JARID2: variants seen among roughly 807,000 people sequenced by gnomAD.
The protein encoded by JARID2 is jumonji and AT-rich interaction domain containing 2, also known as protein Jumonji.
Under a neutral mutation model 125.6 loss-of-function variants are expected in JARID2, and 21 were observed. The ratio of observed to expected loss-of-function variants is 0.17; its 90% CI spans 0.12 to 0.24. The LOEUF is 0.24. Among genes scored for constraint, JARID2 ranks in the 10% least tolerant of loss-of-function variants. JARID2 has a pLI of 1.00. For missense variants in JARID2, 1,303 were observed against 1,639.6 expected, an observed-to-expected ratio of 0.79 and a Z score of 3.55; for synonymous variants, 736 against 661.6, an observed-to-expected ratio of 1.11 and a Z score of -1.73.
intron 4 of JARID2, among the ~76,000 whole-genome samples, chr6:15,465,257 A>T (rs145899497): frequency 6.6e-6 from 1 of 152,172 alleles, no homozygotes; most frequent in African/African-American, 2.4e-5. Context: ...GTTTGAGACA[A>T]GCCTCGGCAA....
chr6:15,352,858 G>A (rs1265085153), intron 1 of JARID2, among the ~76,000 whole-genome samples: 1 of 152,186 alleles, frequency 6.6e-6, no homozygotes, highest in Non-Finnish European at 1.5e-5. Flanking sequence ...TATTACAGCT[G>A]CAAAGGGCTA....
At chr6:15,392,183 C>T (rs1426065413) in intron 2 of JARID2, among the ~76,000 whole-genome samples, 1 of 152,048 alleles carries the variant, frequency 6.6e-6, no homozygotes, top group East Asian at 1.9e-4. Context: ...ACTGTCAAGC[C>T]ACGTTAAGGT....
At chr6:15,385,480 TATAGATTTTTTA>T (rs917721061) in intron 2 of JARID2, among the ~76,000 whole-genome samples, 16 of 151,312 alleles carry the variant, frequency 1.1e-4, no homozygotes, top group Admixed American at 2.6e-4. Flanking sequence ...TATTTATTTA[TATAGATTTTTTA>T]ATAGATTTTT....
chr6:15,457,458 T>C (rs927680563), intron 4 of JARID2, among the ~76,000 whole-genome samples: 1 of 152,186 alleles, frequency 6.6e-6, no homozygotes, highest in South Asian at 2.1e-4. Flanking sequence ...CCATCACCCT[T>C]GGGTGACAGC....
chr6:15,512,465 C>G, intron 14 of JARID2, 75 bp downstream of exon 14: 5 of 1,348,074 alleles, frequency 3.7e-6, no homozygotes, highest in Non-Finnish European at 5.3e-6. Flanking sequence ...CACACAGAAG[C>G]ATCCCTGCGT....
intron 3 of JARID2, among the ~76,000 whole-genome samples, chr6:15,422,985 CT>C (rs375223254): frequency 0.11 from 13,979 of 125,808 alleles, 739 homozygotes; most frequent in African/African-American, 0.17. Flanking sequence ...GTAGCCTAGT[CT>C]TTTTTTTTTT....
intron 1 of JARID2, among the ~76,000 whole-genome samples, chr6:15,295,399 A>G (rs770385416): frequency 6.6e-6 from 1 of 152,024 alleles, no homozygotes; most frequent in Non-Finnish European, 1.5e-5. Context: ...GGGATTACAG[A>G]CGTGAGCCAC....
intron 1 of JARID2, among the ~76,000 whole-genome samples, chr6:15,281,377 T>C (rs1277870554): frequency 6.6e-6 from 1 of 152,236 alleles, no homozygotes; most frequent in African/African-American, 2.4e-5. Flanking sequence ...GTGAATACAT[T>C]GTGGTATGTG....
intron 16 of JARID2, among the ~76,000 whole-genome samples, chr6:15,515,784 G>T (rs1315606695): frequency 6.6e-6 from 1 of 151,300 alleles, no homozygotes; most frequent in East Asian, 1.9e-4. Flanking sequence ...AACCAGGCAC[G>T]GTGGCTTATG....
At chr6:15,503,133 G>A (rs1462314689) in intron 8 of JARID2, among the ~76,000 whole-genome samples, 6 of 152,198 alleles carry the variant, frequency 3.9e-5, no homozygotes, top group African/African-American at 1.2e-4. Flanking sequence ...TGGTGGCCAT[G>A]GCGAAGCCCC....
At chr6:15,425,530 A>G (rs1766688167) in intron 3 of JARID2, among the ~76,000 whole-genome samples, 1 of 152,126 alleles carries the variant, frequency 6.6e-6, no homozygotes, top group Admixed American at 6.5e-5. Flanking sequence ...TGAGTGGATT[A>G]ATACCTTTAT....
chr6:15,508,985 T>G, intron 12 of JARID2: 1 of 1,289,398 alleles, frequency 7.8e-7, no homozygotes, highest in Non-Finnish European at 1.0e-6. Context: ...AGCCAGTGTT[T>G]CCTCATCTAT....
intron 3 of JARID2, among the ~76,000 whole-genome samples, chr6:15,416,675 G>A (rs922991613): frequency 1.5e-4 from 21 of 141,954 alleles, no homozygotes; most frequent in Non-Finnish European, 3.0e-4. Flanking sequence ...GTGGGAGACC[G>A]TGGAAAGAGA....
chr6:15,391,379 C>T (rs527798525), intron 2 of JARID2, among the ~76,000 whole-genome samples: 1 of 152,102 alleles, frequency 6.6e-6, no homozygotes, highest in Non-Finnish European at 1.5e-5. Context: ...CTCTGAGGAG[C>T]CCTAGCAGAG....
At chr6:15,382,068 G>A (rs1336451208) in intron 2 of JARID2, among the ~76,000 whole-genome samples, 2 of 152,200 alleles carry the variant, frequency 1.3e-5, no homozygotes, top group Non-Finnish European at 2.9e-5. Flanking sequence ...CGGATCATGA[G>A]CCTGGCCAAC....
intron 1 of JARID2, among the ~76,000 whole-genome samples, chr6:15,324,180 A>G (rs930701344): frequency 1.3e-5 from 2 of 151,626 alleles, no homozygotes; most frequent in African/African-American, 4.9e-5. Flanking sequence ...CTCTGTCTCA[A>G]AAGAAAAAAA....
In JARID2 at chr6:15,278,472, G is replaced by C. The variant is rs185133082; in HGVS notation, c.45+31888G>C. ...GTGATGGCTCATGCCTGTAATCCCAGCTACTCGGGAAGCTGAGGCAGGAGA... is the reference window on the plus strand; with the variant it reads ...GTGATGGCTCATGCCTGTAATCCCACCTACTCGGGAAGCTGAGGCAGGAGA... On this transcript the variant is annotated intron_variant, in intron 1 of 17. Transcript: ENST00000341776. Among the ~76,000 whole-genome samples the C allele has an allele frequency of 3.7e-4, 56 of 151,964 alleles. 2 individuals are homozygous for C. The East Asian group carries it at 7.8e-3, about 21-fold the overall frequency.
At chr6:15,504,739 C>T in intron 9 of JARID2, 147 bp downstream of exon 9, 1 of 609,786 alleles carries the variant, frequency 1.6e-6, no homozygotes, top group Non-Finnish European at 2.9e-6. Flanking sequence ...GTTGAGCGTG[C>T]ACCAGGGCAG....
chr6:15,468,740 G>C (rs746336123), intron 5 of JARID2, 22 bp downstream of exon 5: 3 of 1,592,816 alleles, frequency 1.9e-6, no homozygotes, highest in Non-Finnish European at 8.6e-7. Flanking sequence ...GTTGAACTTG[G>C]ATAAGAAAAA....
Sources: gnomAD v4.1 joint callset for allele counts (sites outside exome capture counted in the v4.1 genomes callset) on GRCh38, gnomAD v4.1.1 for gene constraint, MANE v1.5 for transcripts, NCBI Gene and HGNC (gene_info 2026-07-23, HGNC 2026-07-21) for gene names.